TNRC6B: variants seen among roughly 807,000 people sequenced by gnomAD.
TNRC6B encodes trinucleotide repeat-containing gene 6B protein.
In TNRC6B, 52 loss-of-function variants were observed where a neutral mutation model predicts 203.6. The observed-to-expected ratio is 0.26, with a 90% CI of 0.20 to 0.32. The LOEUF is 0.32. TNRC6B is among the 10% of genes least tolerant of loss of function. TNRC6B has a pLI of 1.00. For missense variants in TNRC6B, 1,923 were observed against 2,286.2 expected (o/e 0.84, Z 3.24); for synonymous variants, 838 against 845.7 (o/e 0.99, Z 0.16).
intron 3 of TNRC6B, among the ~76,000 whole-genome samples, chr22:40,149,485 G>T (rs950295670): frequency 1.3e-5 from 2 of 152,006 alleles, no homozygotes; most frequent in Admixed American, 6.6e-5. Context: ...TGGCCAATAT[G>T]GTGAAACCTC....
intron 1 of TNRC6B, among the ~76,000 whole-genome samples, chr22:40,114,348 T>A (rs1255888935): frequency 6.6e-6 from 1 of 152,112 alleles, no homozygotes; most frequent in South Asian, 2.1e-4. Context: ...TGAGACTGGG[T>A]CTTACTGTGT....
chr22:40,231,380 T>C (rs1022149186), intron 1 of TNRC6B, among the ~76,000 whole-genome samples: 1 of 152,350 alleles, frequency 6.6e-6, no homozygotes, highest in Non-Finnish European at 1.5e-5. Flanking sequence ...TTCATGAGCA[T>C]GGTACATCTC....
At chr22:40,166,731 C>T (rs1345339395) in intron 4 of TNRC6B, among the ~76,000 whole-genome samples, 1 of 151,884 alleles carries the variant, frequency 6.6e-6, no homozygotes, top group African/African-American at 2.4e-5. Context: ...CCCGTCTCTA[C>T]TGAAAGTCCA....
chr22:40,308,788 G>C (rs1462065790), intron 16 of TNRC6B, 139 bp downstream of exon 16: 12 of 1,037,414 alleles, frequency 1.2e-5, no homozygotes, highest in Non-Finnish European at 1.6e-5. Context: ...GAAGGTCAGA[G>C]TCATGTGTAT....
At chr22:40,293,580 T>C (rs2070897650) in intron 12 of TNRC6B, among the ~76,000 whole-genome samples, 2 of 151,608 alleles carry the variant, frequency 1.3e-5, no homozygotes, top group African/African-American at 4.8e-5. Context: ...GGTGGTTTCT[T>C]TAGCTAATTT....
intron 11 of TNRC6B, among the ~76,000 whole-genome samples, chr22:40,285,273 T>G (rs889864906): frequency 5.3e-5 from 8 of 152,318 alleles, no homozygotes; most frequent in Middle Eastern, 6.8e-3. Context: ...TCAGGTGCCT[T>G]TCAAGATGGA....
At chr22:40,098,255 G>A (rs886667855) in intron 1 of TNRC6B, among the ~76,000 whole-genome samples, 3 of 151,572 alleles carry the variant, frequency 2.0e-5, no homozygotes, top group Non-Finnish European at 4.4e-5. Flanking sequence ...GTGCGGTGGC[G>A]GGTGCCTGTA....
intron 1 of TNRC6B, among the ~76,000 whole-genome samples, chr22:40,092,982 G>A (rs767220326): frequency 4.6e-4 from 70 of 152,196 alleles, no homozygotes; most frequent in Non-Finnish European, 7.1e-4. Context: ...ACTGGTGTAT[G>A]CCACTATAGA....
upstream of TNRC6B, among the ~76,000 whole-genome samples, chr22:40,173,452 A>G (rs912686484): frequency 7.3e-6 from 1 of 136,828 alleles, no homozygotes; most frequent in Non-Finnish European, 1.6e-5. Flanking sequence ...GTTACTTTAT[A>G]TCTGTGCCAA....
intron 1 of TNRC6B, among the ~76,000 whole-genome samples, chr22:40,092,068 C>T (rs1234355287): frequency 6.6e-6 from 1 of 152,142 alleles, no homozygotes. Context: ...ACACTCAAAA[C>T]ACTGAGCTAC....
At chr22:40,199,795 G>A (rs532784893) in intron 1 of TNRC6B, among the ~76,000 whole-genome samples, 1 of 151,246 alleles carries the variant, frequency 6.6e-6, no homozygotes, top group African/African-American at 2.4e-5. Flanking sequence ...GGTTTTTGTT[G>A]TTGTTGTTTT....
Position 40,069,449 on chromosome 22 carries a change from T to C in TNRC6B, c.-121+24451T>C, listed in dbSNP as rs1386355131. Among the ~76,000 whole-genome samples the C allele has an allele frequency of 3.3e-5, 5 of 151,894 alleles. No individual in the cohort carries two copies. The East Asian group carries it at 7.7e-4, about 23-fold the overall frequency. On this transcript the variant is annotated intron_variant, in intron 1 of 23. Transcript: ENST00000301923. Reference sequence around the variant, plus strand: ...ATATTTTGTGTTATTTTTCAGTCTTTAGTTTCTTTGAGTATAACTTTGTAA... The same window carrying C: ...ATATTTTGTGTTATTTTTCAGTCTTCAGTTTCTTTGAGTATAACTTTGTAA...
rs150360920 is a variant in TNRC6B, at chr22:40,191,843, T to C, written c.5+13703T>C. ...TCAGCTCACTGCAACCTCCACCTCC[T>C]GGGTTCAAGCAATTCTTTTGCCTCA... On this transcript the variant is annotated intron_variant, in intron 1 of 22. Transcript: ENST00000454349. Among the ~76,000 whole-genome samples the C allele has an allele frequency of 3.6e-3, 547 of 152,318 alleles. 3 individuals carry two copies. Among genetic ancestry groups the C allele is most frequent in the Middle Eastern group, 0.014 (4 of 294 alleles).
chr22:40,218,160 T>C (rs1167480856), intron 1 of TNRC6B, among the ~76,000 whole-genome samples: 4 of 151,976 alleles, frequency 2.6e-5, no homozygotes, highest in Non-Finnish European at 5.9e-5. Flanking sequence ...TTAGAGATGA[T>C]GACCCAATTT....
intron 1 of TNRC6B, chr22:40,106,753 C>G: frequency 1.3e-6 from 1 of 786,468 alleles, no homozygotes; most frequent in Admixed American, 1.7e-5. Flanking sequence ...CCTTTCGGAC[C>G]TTTGGGCTTA....
chr22:40,284,682 T>C (rs1461600480), intron 11 of TNRC6B, among the ~76,000 whole-genome samples: 1 of 152,144 alleles, frequency 6.6e-6, no homozygotes, highest in African/African-American at 2.4e-5. Context: ...CGTTTTGAGA[T>C]TGGAGAGGTG....
At chr22:40,210,476 A>G (rs879833432) in intron 1 of TNRC6B, among the ~76,000 whole-genome samples, 13 of 152,348 alleles carry the variant, frequency 8.5e-5, no homozygotes, top group Middle Eastern at 6.8e-3. Context: ...AAAATTGGTA[A>G]GGGAGTTTGT....
intron 3 of TNRC6B, among the ~76,000 whole-genome samples, chr22:40,154,178 C>T (rs562985126): frequency 6.6e-6 from 1 of 152,056 alleles, no homozygotes; most frequent in East Asian, 1.9e-4. Flanking sequence ...AATATAAAAG[C>T]ATGGGCTGGG....
chr22:40,301,192 CA>C lies in TNRC6B; in HGVS notation c.3980del (p.Gln1327ArgfsTer7). ...VSALQQQQQQ[Q>X]QRQPGMKHSP... Reference sequence around the variant, plus strand: ...TGCACTGCAGCAGCAGCAGCAGCAGCAGCAGAGGCAGCCAGGCATGAAGCAC... The same window carrying C: ...TGCACTGCAGCAGCAGCAGCAGCAGCGCAGAGGCAGCCAGGCATGAAGCAC... On this transcript the variant is annotated frameshift_variant, in exon 15 of 23. Coordinates refer to ENST00000454349, the MANE Select transcript of TNRC6B (RefSeq NM_001162501.2). LOFTEE classifies it high-confidence loss of function. 2 of 1,553,704 alleles carry C rather than the reference CA, an allele frequency of 1.3e-6. No homozygotes were observed. The highest frequency in any genetic ancestry group is 2.4e-5 in the South Asian group (2 of 84,240).
Sources: gnomAD v4.1 joint callset for allele counts (sites outside exome capture counted in the v4.1 genomes callset) on GRCh38, gnomAD v4.1.1 for gene constraint, MANE v1.5 for transcripts, NCBI Gene and HGNC (gene_info 2026-07-23, HGNC 2026-07-21) for gene names.